BAD: variants seen among roughly 807,000 people sequenced by gnomAD.
The protein encoded by BAD is bcl2-associated agonist of cell death.
Under a neutral mutation model 17.8 loss-of-function variants are expected in BAD, and 18 were observed. That is an observed-to-expected ratio of 1.01 (90% confidence interval 0.70 to 1.50). The LOEUF (loss-of-function observed/expected upper bound fraction) is 1.50. Among genes scored for constraint, BAD ranks in the 40% most tolerant of loss-of-function variants. The pLI is 0.00. For synonymous variants in BAD, 112 were observed against 91.5 expected (o/e 1.22, Z -1.28); for missense variants, 294 against 239.3 (o/e 1.23, Z -1.51).
rs2032629365 is a variant in BAD, at chr11:64,271,723, G to A, written c.268C>T (p.Pro90Ser). 1 of 1,459,996 alleles carries A rather than the reference G, an allele frequency of 6.8e-7. No individual in the cohort carries two copies. Among genetic ancestry groups the A allele is most frequent in the South Asian group, 1.4e-5 (1 of 71,098 alleles). The allele number at this position is 1,459,996 out of a possible 1,614,324, so 90.4% of individuals were successfully genotyped here. Residue 90 changes from proline to serine, a missense_variant, in exon 3 of 4, where the codon CCC (proline) becomes TCC (serine). Coordinates refer to ENST00000309032, the MANE Select transcript of BAD (RefSeq NM_032989.3). The part of the protein sequence containing the change: ...TEDDEGMGEE[P>S]SPFRGRSRSA... ...CGCGAGCGGCCCCGAAAGGGGCTGGGCTCCTCCCCCATCCCTTCGTCGTCC... is the reference window on the plus strand; with the variant it reads ...CGCGAGCGGCCCCGAAAGGGGCTGGACTCCTCCCCCATCCCTTCGTCGTCC...
intron 2 of BAD, chr11:64,276,679 G>A (rs2033090621): frequency 1.9e-6 from 1 of 531,454 alleles, no homozygotes; most frequent in Non-Finnish European, 3.3e-6. Context: ...CCCTGGGGGA[G>A]TGTCTGTGAA....
At position 64,270,048 on chromosome 11, in the gene BAD, G is replaced by T; in HGVS notation, c.*161C>A. ...TTCCGATGGGACCAAGCCTTCCGTG[G>T]CTTCACACGCACCGGAAGGGAATCT... is the stretch of plus-strand genomic sequence containing the variant. On this transcript the variant is annotated 3_prime_UTR_variant, in exon 4 of 4. Transcript: ENST00000309032. 2 of 1,319,886 alleles carry T rather than the reference G, an allele frequency of 1.5e-6. No homozygotes were observed. The highest frequency in any genetic ancestry group is 2.1e-6 in the Non-Finnish European group (2 of 953,322). The allele number at this position is 1,319,886 out of a possible 1,614,324, so 81.8% of individuals were successfully genotyped here.
intron 3 of BAD, 112 bp downstream of exon 3, chr11:64,271,501 G>A: frequency 8.8e-7 from 1 of 1,138,112 alleles, no homozygotes; most frequent in Non-Finnish European, 1.1e-6. Context: ...GACGGCTTTG[G>A]GGAGGGGTCG....
At chr11:64,280,476 C>T (rs1325649112) in intron 2 of BAD, among the ~76,000 whole-genome samples, 17 of 145,876 alleles carry the variant, frequency 1.2e-4, no homozygotes, top group African/African-American at 3.8e-4. Flanking sequence ...CTCAGCCTCC[C>T]GAGTAGCTGG....
intron 3 of BAD, among the ~76,000 whole-genome samples, chr11:64,270,957 G>T (rs555087181): frequency 1.2e-5 from 1 of 83,854 alleles, no homozygotes; most frequent in African/African-American, 4.2e-5. Flanking sequence ...CTAGACTACA[G>T]ATCCCAGCAT....
At chr11:64,284,580 C>T in intron 1 of BAD, 51 bp downstream of exon 1, 2 of 1,494,148 alleles carry the variant, frequency 1.3e-6, no homozygotes, top group Non-Finnish European at 8.9e-7. Context: ...CCTCAGAACC[C>T]CGGTGGACCC....
Position 64,269,960 on chromosome 11 carries a change from C to T in BAD, c.*249G>A, listed in dbSNP as rs1233314269. The T allele has an allele frequency of 4.0e-6, 3 of 750,648 alleles. No individual in the cohort carries two copies. The African/African-American group carries it at 5.2e-5, about 13-fold the overall frequency. 46.5% of individuals were successfully genotyped at this position (750,648 alleles called of 1,614,324 possible). ...CTTAGCGCAGGCGCCTGGGGGAAAGCCCGGAGCCTGAGGGCGGGGCCACGG... is the reference window on the plus strand; with the variant it reads ...CTTAGCGCAGGCGCCTGGGGGAAAGTCCGGAGCCTGAGGGCGGGGCCACGG... On this transcript the variant is annotated 3_prime_UTR_variant, in exon 4 of 4. Transcript: ENST00000309032.
intron 2 of BAD, chr11:64,276,821 C>T (rs1016363315): frequency 1.5e-4 from 105 of 679,400 alleles, no homozygotes; most frequent in South Asian, 4.1e-4. Flanking sequence ...TCTTGCCATC[C>T]GCCTAGAGCC....
At chr11:64,273,601 C>T (rs1323110580) in intron 2 of BAD, among the ~76,000 whole-genome samples, 2 of 151,838 alleles carry the variant, frequency 1.3e-5, no homozygotes, top group Non-Finnish European at 2.9e-5. Flanking sequence ...AGGTGGGGGG[C>T]TGGGCGCAGT....
At chr11:64,276,012 A>T (rs565156810) in intron 2 of BAD, among the ~76,000 whole-genome samples, 1 of 152,146 alleles carries the variant, frequency 6.6e-6, no homozygotes, top group East Asian at 1.9e-4. Context: ...TGGGATCCCA[A>T]CCCAACCAAT....
chr11:64,281,225 C>G (rs1455356588), intron 2 of BAD, among the ~76,000 whole-genome samples: 2 of 152,210 alleles, frequency 1.3e-5, no homozygotes. Context: ...CTCGAACTAC[C>G]AAAGTGCTGG....
At chr11:64,271,527 G>C (rs971597516) in intron 3 of BAD, 86 bp downstream of exon 3, 4 of 1,306,534 alleles carry the variant, frequency 3.1e-6, no homozygotes, top group Non-Finnish European at 3.9e-6. Flanking sequence ...CTCCAGATCC[G>C]GGCGTGCCTT....
At chr11:64,270,496 G>A in intron 3 of BAD, 159 bp from the exon 4 acceptor site, 1 of 958,050 alleles carries the variant, frequency 1.0e-6, no homozygotes, top group Non-Finnish European at 1.5e-6. Flanking sequence ...GGACGCTCGC[G>A]AGGACGCATG....
chr11:64,277,194 C>A (rs2033132778), intron 2 of BAD, among the ~76,000 whole-genome samples: 1 of 152,234 alleles, frequency 6.6e-6, no homozygotes, highest in Non-Finnish European at 1.5e-5. Flanking sequence ...CCTGCCCCTA[C>A]CACATGCCGA....
At chr11:64,270,536 C>T in intron 3 of BAD, 199 bp from the exon 4 acceptor site, 1 of 761,036 alleles carries the variant, frequency 1.3e-6, no homozygotes, top group Non-Finnish European at 2.2e-6. Flanking sequence ...TGGTTAGATC[C>T]CAGGAACTCC....
chr11:64,284,168 G>C lies in BAD; in HGVS notation c.187+14C>G. Reference sequence around the variant, plus strand: ...GTGAGGTGTCCCGGCAGGTGGAGGTGGTGGGGTACTTACCTCCATGATGGC... The same window carrying C: ...GTGAGGTGTCCCGGCAGGTGGAGGTCGTGGGGTACTTACCTCCATGATGGC... On this transcript the variant is annotated intron_variant, in intron 2 of 3. Transcript: ENST00000309032. 1 of 1,566,770 alleles carries C rather than the reference G, an allele frequency of 6.4e-7. No individual in the cohort carries two copies. The highest frequency in any genetic ancestry group is 1.4e-5 in the African/African-American group (1 of 73,676).
chr11:64,271,600 G>A lies in BAD; in HGVS notation c.378+13C>T, dbSNP rs1445301253. 3.5e-6 allele frequency: 5 copies of A among 1,425,490 alleles called. No homozygotes were observed. The highest frequency in any genetic ancestry group is 4.6e-6 in the Non-Finnish European group (5 of 1,087,674). 88.3% of individuals were successfully genotyped at this position (1,425,490 alleles called of 1,614,324 possible). On this transcript the variant is annotated intron_variant, in intron 3 of 3. Coordinates refer to ENST00000309032, the MANE Select transcript of BAD (RefSeq NM_032989.3). ...GTACTTCAGGTCCTGGCACGCTGGG[G>A]ACTGGCGCTCACCTTAAAGGAGTCC...
chr11:64,270,434 G>T, intron 3 of BAD, 97 bp from the exon 4 acceptor site: 1 of 1,442,694 alleles, frequency 6.9e-7, no homozygotes, highest in Non-Finnish European at 9.3e-7. Flanking sequence ...TGAGATCGGG[G>T]GGGAGATAAT....
At chr11:64,270,753 C>T in intron 3 of BAD, 1 of 459,316 alleles carries the variant, frequency 2.2e-6, no homozygotes, top group South Asian at 1.6e-5. Flanking sequence ...CGTGATCGCA[C>T]CACTGCACTC....
Sources: gnomAD v4.1 joint callset for allele counts (sites outside exome capture counted in the v4.1 genomes callset) on GRCh38, gnomAD v4.1.1 for gene constraint, MANE v1.5 for transcripts, NCBI Gene and HGNC (gene_info 2026-07-23, HGNC 2026-07-21) for gene names.